The following DCC variants were observed in gnomAD, a reference collection of about 807,000 sequenced individuals.
The protein encoded by DCC is netrin receptor DCC.
A neutral mutation model predicts 172.5 loss-of-function variants in DCC; 58 were observed. That is an observed-to-expected ratio of 0.34 (90% CI 0.27 to 0.42). DCC has a LOEUF of 0.42. Ranked by LOEUF, DCC falls within the 10% of genes least tolerant of loss-of-function variation. DCC has a pLI of 1.00. For synonymous variants in DCC, 709 were observed against 644.5 expected, an observed-to-expected ratio of 1.10 and a Z score of -1.52; for missense variants, 1,740 against 1,791.0, an observed-to-expected ratio of 0.97 and a Z score of 0.51.
At chr18:52,366,978 GGCC>G (rs1984894754) in intron 1 of DCC, among the ~76,000 whole-genome samples, 1 of 152,220 alleles carries the variant, frequency 6.6e-6, no homozygotes, top group East Asian at 1.9e-4. Context: ...GGGAGGCTCG[GGCC>G]GCACAGGAGC....
At chr18:52,556,010 A>G (rs1390956509) in intron 1 of DCC, among the ~76,000 whole-genome samples, 1 of 152,158 alleles carries the variant, frequency 6.6e-6, no homozygotes, top group Non-Finnish European at 1.5e-5. Context: ...CATTACATCC[A>G]TTGGTGTCTA....
chr18:52,934,753 G>T (rs991846318), intron 5 of DCC: 1 of 152,098 alleles, frequency 6.6e-6, no homozygotes, highest in African/African-American at 2.4e-5. Context: ...CTATCCAATA[G>T]GAATAATGCC....
chr18:52,415,851 A>AT (rs1987005269), intron 1 of DCC, among the ~76,000 whole-genome samples: 1 of 148,556 alleles, frequency 6.7e-6, no homozygotes, highest in African/African-American at 2.5e-5. Flanking sequence ...TTTTTGAAGG[A>AT]TTTTTTGTGT....
At chr18:52,601,158 G>A (rs2144817045) in intron 1 of DCC, among the ~76,000 whole-genome samples, 1 of 152,180 alleles carries the variant, frequency 6.6e-6, no homozygotes, top group Admixed American at 6.5e-5. Flanking sequence ...TATTAATTCA[G>A]TCATTTTTAA....
At chr18:53,481,396 T>A (rs997721686) in intron 25 of DCC, among the ~76,000 whole-genome samples, 17 of 152,176 alleles carry the variant, frequency 1.1e-4, no homozygotes, top group African/African-American at 4.1e-4. Context: ...TATTTATGAA[T>A]CTTAGGGCTT....
At chr18:53,003,681 G>GTC (rs2041600738) in intron 5 of DCC, among the ~76,000 whole-genome samples, 1 of 151,964 alleles carries the variant, frequency 6.6e-6, no homozygotes, top group Admixed American at 6.6e-5. Flanking sequence ...AAGGTTTTAG[G>GTC]TAGGGAGGAA....
chr18:52,655,226 C>G (rs569933794), intron 1 of DCC, among the ~76,000 whole-genome samples: 1 of 152,148 alleles, frequency 6.6e-6, no homozygotes, highest in South Asian at 2.1e-4. Flanking sequence ...CGCAGTTCTG[C>G]TTGGTTGAAA....
rs75117398 is a variant in DCC at position 53,171,627 on chromosome 18, T to C, written c.1419-7335T>C. 2.1e-4 allele frequency among the ~76,000 whole-genome samples: 32 copies of C among 152,348 alleles called. 1 individual carries two copies. The East Asian group carries it at 4.6e-3, about 22-fold the overall frequency. On this transcript the variant is annotated intron_variant, in intron 8 of 28. Transcript: ENST00000442544. ...AACATCCTCTTGTATATGTAAGTGA[T>C]ATTTTCATTTCATGATCTTGGACAT...
Position 52,340,913 on chromosome 18 carries a change from C to G in DCC, c.91+35C>G, listed in dbSNP as rs185748347. The stretch of plus-strand genomic sequence containing the variant: ...TCTTTCCTTTCTTCTCGTCGCACCC[C>G]CTTCCGTACCCCACTTCCCTTCTCA... On this transcript the variant is annotated intron_variant, in intron 1 of 28. Transcript: ENST00000442544. The G allele has an allele frequency of 7.3e-4, 1,051 of 1,442,084 alleles. 4 individuals carry two copies. The Middle Eastern group carries it at 0.017, about 24-fold the overall frequency. 89.3% of individuals were successfully genotyped at this position (1,442,084 alleles called of 1,614,324 possible).
At chr18:53,177,990 C>G (rs962729888) in intron 8 of DCC, among the ~76,000 whole-genome samples, 2 of 152,214 alleles carry the variant, frequency 1.3e-5, no homozygotes, top group Non-Finnish European at 2.9e-5. Flanking sequence ...CAAAACATAT[C>G]TGAATGGCAA....
At chr18:52,405,724 A>G (rs1986621444) in intron 1 of DCC, among the ~76,000 whole-genome samples, 1 of 151,750 alleles carries the variant, frequency 6.6e-6, no homozygotes, top group African/African-American at 2.4e-5. Context: ...AAGAATCAAT[A>G]TCGTGAAAAT....
At chr18:52,447,294 G>T (rs1247609760) in intron 1 of DCC, among the ~76,000 whole-genome samples, 1 of 152,176 alleles carries the variant, frequency 6.6e-6, no homozygotes, top group Non-Finnish European at 1.5e-5. Flanking sequence ...AGATAGTGAG[G>T]GATCAAAGAG....
intron 1 of DCC, among the ~76,000 whole-genome samples, chr18:52,355,731 T>G (rs1000048555): frequency 6.6e-6 from 1 of 151,816 alleles, no homozygotes; most frequent in African/African-American, 2.4e-5. Flanking sequence ...AGTGCAAGCA[T>G]GTAAGAAAAA....
intron 1 of DCC, among the ~76,000 whole-genome samples, chr18:52,566,706 T>C (rs1358333720): frequency 6.6e-6 from 1 of 152,026 alleles, no homozygotes; most frequent in African/African-American, 2.4e-5. Context: ...AAAACAAGAT[T>C]CACGAGACTG....
intron 15 of DCC, among the ~76,000 whole-genome samples, chr18:53,355,865 G>C (rs990864312): frequency 6.6e-6 from 1 of 151,940 alleles, no homozygotes; most frequent in African/African-American, 2.4e-5. Flanking sequence ...CCTTGTCATG[G>C]ATTTTATACA....
At chr18:53,239,820 A>C (rs2056260886) in intron 12 of DCC, among the ~76,000 whole-genome samples, 1 of 152,078 alleles carries the variant, frequency 6.6e-6, no homozygotes, top group African/African-American at 2.4e-5. Flanking sequence ...AAATTATTTT[A>C]TTTTGAATAA....
intron 5 of DCC, among the ~76,000 whole-genome samples, chr18:53,005,404 A>G (rs1336553878): frequency 6.6e-6 from 1 of 152,196 alleles, no homozygotes; most frequent in Non-Finnish European, 1.5e-5. Flanking sequence ...ACACACTGAT[A>G]AACACACAAA....
chr18:52,380,463 C>A (rs1985537317), intron 1 of DCC, among the ~76,000 whole-genome samples: 1 of 152,070 alleles, frequency 6.6e-6, no homozygotes. Flanking sequence ...GAAAAAATTG[C>A]CAGATGGAAC....
intron 22 of DCC, among the ~76,000 whole-genome samples, chr18:53,449,555 C>T (rs1159326070): frequency 6.6e-6 from 1 of 152,118 alleles, no homozygotes; most frequent in Non-Finnish European, 1.5e-5. Flanking sequence ...ATGGCATCTT[C>T]AAAGGAATGG....
Sources: gnomAD v4.1 joint callset for allele counts (sites outside exome capture counted in the v4.1 genomes callset) on GRCh38, gnomAD v4.1.1 for gene constraint, MANE v1.5 for transcripts, NCBI Gene and HGNC (gene_info 2026-07-23, HGNC 2026-07-21) for gene names.